CACNB4: variants seen among roughly 807,000 people sequenced by gnomAD.
CACNB4 encodes the protein voltage-dependent L-type calcium channel subunit beta-4.
A neutral mutation model predicts 71.2 loss-of-function variants in CACNB4; 32 were observed. The observed-to-expected ratio is 0.45, with a 90% confidence interval of 0.34 to 0.60. The LOEUF (loss-of-function observed/expected upper bound fraction) is 0.60. Among genes scored for constraint, CACNB4 ranks in the 20% least tolerant of loss-of-function variants. The pLI, the probability that CACNB4 is intolerant of heterozygous loss-of-function variation, is 0.01. For synonymous variants in CACNB4, 231 were observed against 236.9 expected (o/e 0.97, Z 0.23); for missense variants, 464 against 647.9 (o/e 0.72, Z 3.08).
At chr2:151,993,050 A>G (rs1681802112) in intron 2 of CACNB4, among the ~76,000 whole-genome samples, 1 of 152,126 alleles carries the variant, frequency 6.6e-6, no homozygotes, top group Admixed American at 6.5e-5. Flanking sequence ...TGGATCTCAC[A>G]AGGTTCTCAG....
At chr2:152,037,347 G>A (rs946659491) in intron 2 of CACNB4, among the ~76,000 whole-genome samples, 5 of 152,170 alleles carry the variant, frequency 3.3e-5, no homozygotes, top group South Asian at 2.1e-4. Context: ...TCTATATCCC[G>A]TCAATTTACA....
rs997896561 is a variant in CACNB4, at chr2:151,871,091, A to G, written c.599-230T>C. The G allele has an allele frequency of 2.0e-5, 11 of 550,402 alleles. 1 individual carries two copies. The highest frequency in any genetic ancestry group is 3.5e-5 in the Non-Finnish European group (11 of 310,178). The allele number at this position is 550,402 out of a possible 1,614,324, so 34.1% of individuals were successfully genotyped here. On this transcript the variant is annotated intron_variant, in intron 6 of 13. Transcript: ENST00000539935. The stretch of plus-strand genomic sequence containing the variant: ...CTGGTACAAATGACCTTATATCCTG[A>G]TTTCTCACTGGGTGGGAATTGGGTA...
intron 2 of CACNB4, among the ~76,000 whole-genome samples, chr2:152,017,460 C>A (rs1683406596): frequency 6.6e-6 from 1 of 151,364 alleles, no homozygotes; most frequent in Non-Finnish European, 1.5e-5. Context: ...GTAATCCCAG[C>A]ATTTTGGGAG....
chr2:151,858,250 T>C (rs2099840774), intron 10 of CACNB4: 1 of 152,238 alleles, frequency 6.6e-6, no homozygotes, highest in Non-Finnish European at 1.5e-5. Flanking sequence ...CTGACCATGA[T>C]GATTTGGGCC....
chr2:151,963,268 C>T (rs1035015765), intron 2 of CACNB4, among the ~76,000 whole-genome samples: 9 of 147,128 alleles, frequency 6.1e-5, no homozygotes, highest in East Asian at 4.0e-4. Flanking sequence ...GCCGAGATTG[C>T]GCCACTGCAC....
intron 2 of CACNB4, among the ~76,000 whole-genome samples, chr2:152,043,148 T>C (rs1172521906): frequency 6.6e-6 from 1 of 152,208 alleles, no homozygotes; most frequent in East Asian, 1.9e-4. Context: ...TTGTTCAGCA[T>C]GTAATCAAGA....
chr2:151,948,567 G>A (rs775980224), intron 2 of CACNB4, among the ~76,000 whole-genome samples: 9 of 152,062 alleles, frequency 5.9e-5, no homozygotes. Flanking sequence ...AAGCTGAGGT[G>A]GGAGAATCAT....
intron 2 of CACNB4, among the ~76,000 whole-genome samples, chr2:152,046,677 G>A (rs1376591213): frequency 6.6e-6 from 1 of 152,156 alleles, no homozygotes; most frequent in African/African-American, 2.4e-5. Flanking sequence ...CTAAGCAGAG[G>A]AGAAGCAGGT....
chr2:151,968,684 C>G (rs541907368), intron 2 of CACNB4: 2 of 152,262 alleles, frequency 1.3e-5, no homozygotes, highest in South Asian at 4.1e-4. Flanking sequence ...ATTGCTGACC[C>G]TTTTACAGAA....
intron 2 of CACNB4, among the ~76,000 whole-genome samples, chr2:152,024,686 C>T (rs1683867285): frequency 6.6e-6 from 1 of 152,250 alleles, no homozygotes; most frequent in Non-Finnish European, 1.5e-5. Context: ...CAAATCATTA[C>T]ACAATGGAAG....
rs76710072 is a variant in CACNB4, at chr2:152,011,933, G to A, written c.147+86397C>T. On this transcript the variant is annotated intron_variant, in intron 2 of 13. Transcript: ENST00000539935. ...GAGGCATTACTCAGGTTTTTGTGAC[G>A]ATGCTAGTGTAAACAAACCTACTGT... Among the ~76,000 whole-genome samples, 626 of 152,222 alleles carry A rather than the reference G, an allele frequency of 4.1e-3. 1 individual carries two copies. The highest frequency in any genetic ancestry group is 0.014 in the African/African-American group (582 of 41,514).
intron 2 of CACNB4, among the ~76,000 whole-genome samples, chr2:151,944,023 CTTTCT>C (rs1560041521): frequency 9.1e-6 from 1 of 109,486 alleles, no homozygotes; most frequent in Non-Finnish European, 2.0e-5. Flanking sequence ...ATTATACTTT[CTTTCT>C]TTTTTTTTTT....
At chr2:151,916,979 A>G (rs1443616210) in intron 2 of CACNB4, among the ~76,000 whole-genome samples, 1 of 152,254 alleles carries the variant, frequency 6.6e-6, no homozygotes, top group Non-Finnish European at 1.5e-5. Flanking sequence ...ACTCTGGTAT[A>G]AAACCACTAG....
chr2:151,901,306 G>A lies in CACNB4; in HGVS notation c.148-17936C>T, dbSNP rs150261906. Among the ~76,000 whole-genome samples, 19 of 152,040 alleles carry A rather than the reference G, an allele frequency of 1.2e-4. No individual in the cohort carries two copies. In the East Asian group the frequency reaches 2.1e-3, roughly 17 times the overall value. On this transcript the variant is annotated intron_variant, in intron 2 of 13. Coordinates refer to ENST00000539935, the MANE Select transcript of CACNB4 (RefSeq NM_000726.5). ...CCTTTTCATGATTTTTTTGGTAACC[G>A]TGTTAAATTTATCAACAAACCATCA...
At chr2:151,956,418 T>C (rs958636731) in intron 2 of CACNB4, among the ~76,000 whole-genome samples, 17 of 152,242 alleles carry the variant, frequency 1.1e-4, no homozygotes, top group African/African-American at 4.1e-4. Flanking sequence ...GAAAACATTA[T>C]GCTAAGTGAA....
intron 2 of CACNB4, among the ~76,000 whole-genome samples, chr2:152,013,448 T>C (rs1683170787): frequency 1.3e-5 from 2 of 152,134 alleles, no homozygotes; most frequent in Non-Finnish European, 2.9e-5. Flanking sequence ...GAAATGCCCA[T>C]GACAGAGAGT....
intron 2 of CACNB4, among the ~76,000 whole-genome samples, chr2:151,936,819 G>A (rs1373793133): frequency 6.6e-6 from 1 of 152,208 alleles, no homozygotes; most frequent in East Asian, 1.9e-4. Context: ...TTCTCTCCCT[G>A]CAGACCACTA....
At chr2:151,851,910 G>T (rs758938866) in intron 12 of CACNB4, 14 of 152,130 alleles carry the variant, frequency 9.2e-5, no homozygotes, top group Non-Finnish European at 1.5e-4. Context: ...GTCAGGGCTG[G>T]GCAATACATT....
intron 12 of CACNB4, among the ~76,000 whole-genome samples, chr2:151,847,099 CAAAAAAAAAAAA>C (rs397766580): frequency 1.3e-5 from 1 of 79,780 alleles, no homozygotes; most frequent in Admixed American, 1.5e-4. Flanking sequence ...AAACTGACAC[CAAAAAAAAAAAA>C]AAAAAAAAAG....
Sources: gnomAD v4.1 joint callset for allele counts (sites outside exome capture counted in the v4.1 genomes callset) on GRCh38, gnomAD v4.1.1 for gene constraint, MANE v1.5 for transcripts, NCBI Gene and HGNC (gene_info 2026-07-23, HGNC 2026-07-21) for gene names.